MKX: variants seen among roughly 807,000 people sequenced by gnomAD.
MKX encodes homeobox protein Mohawk.
Under a neutral mutation model 36.0 loss-of-function variants are expected in MKX, and 13 were observed. That is an observed-to-expected ratio of 0.36 (90% CI 0.24 to 0.57). The LOEUF (loss-of-function observed/expected upper bound fraction) is 0.57. MKX is among the 20% of genes least tolerant of loss of function. The pLI, the probability that MKX is intolerant of heterozygous loss-of-function variation, is 0.79. For missense variants in MKX, 458 were observed against 456.4 expected (o/e 1.00, Z -0.03); for synonymous variants, 176 against 178.3 (o/e 0.99, Z 0.10).
chr10:27,703,750 A>C (rs897976113), intron 5 of MKX, among the ~76,000 whole-genome samples: 29 of 152,034 alleles, frequency 1.9e-4, no homozygotes, highest in African/African-American at 7.0e-4. Context: ...AAATACAAAA[A>C]TTATCCAGGC....
At chr10:27,698,813 T>G (rs1027105744) in intron 5 of MKX, among the ~76,000 whole-genome samples, 1 of 152,130 alleles carries the variant, frequency 6.6e-6, no homozygotes, top group Non-Finnish European at 1.5e-5. Context: ...TTCTCCTCAA[T>G]GCATTCCTTT....
chr10:27,739,645 A>C (rs908371830), intron 3 of MKX, among the ~76,000 whole-genome samples: 4 of 152,156 alleles, frequency 2.6e-5, no homozygotes, highest in Admixed American at 2.6e-4. Context: ...AGAAAGTTTA[A>C]ATGGCTCTCC....
rs75587692 is a variant in MKX at position 27,722,299 on chromosome 10, C to T, written c.838+12157G>A. Among the ~76,000 whole-genome samples the T allele has an allele frequency of 9.0e-3, 1,364 of 152,272 alleles. 11 individuals carry two copies. The highest frequency in any genetic ancestry group is 0.013 in the Non-Finnish European group (904 of 68,016). On this transcript the variant is annotated intron_variant, in intron 5 of 6. Transcript: ENST00000419761. ...TTTACTGGTGCCATGCTCCCCAATG[C>T]TCCTTTGCAATGTCCCTGTCTTGTG... is the stretch of plus-strand genomic sequence containing the variant.
At chr10:27,711,110 A>G (rs1233031227) in intron 5 of MKX, among the ~76,000 whole-genome samples, 2 of 152,214 alleles carry the variant, frequency 1.3e-5, no homozygotes, top group African/African-American at 2.4e-5. Flanking sequence ...TGTACTATCC[A>G]TCACAGGTAT....
intron 5 of MKX, among the ~76,000 whole-genome samples, chr10:27,733,804 C>T (rs1834688030): frequency 6.6e-6 from 1 of 152,122 alleles, no homozygotes; most frequent in South Asian, 2.1e-4. Flanking sequence ...AAGTTTTGGA[C>T]AGGTAGGAAT....
Position 27,734,664 on chromosome 10 carries a change from C to T in MKX, c.630G>A (p.Glu210=), listed in dbSNP as rs1834711865. 1.9e-6 allele frequency: 3 copies of T among 1,614,118 alleles called. No homozygotes were observed. The highest frequency in any genetic ancestry group is 2.5e-6 in the Non-Finnish European group (3 of 1,180,024). ...TGTATTTGGGGGGTGCCACGTAGTC[C>T]TCACTGGCCCGTGACTCTGGCCTCA... is the stretch of plus-strand genomic sequence containing the variant. ...AGVRPESRAS[E]DYVAPPKYKS... The change falls in exon 5 of 7, where the codon GAG becomes GAA. Residue 210 remains glutamate (E), a synonymous_variant. Coordinates refer to ENST00000419761, the MANE Select transcript of MKX (RefSeq NM_173576.3).
chr10:27,715,324 G>T (rs1589679596), intron 5 of MKX, among the ~76,000 whole-genome samples: 1 of 152,162 alleles, frequency 6.6e-6, no homozygotes, highest in African/African-American at 2.4e-5. Flanking sequence ...TACAGAGAAG[G>T]CTTGGTCCTA....
intron 5 of MKX, among the ~76,000 whole-genome samples, chr10:27,706,751 T>C (rs990573146): frequency 6.6e-6 from 1 of 152,214 alleles, no homozygotes; most frequent in Non-Finnish European, 1.5e-5. Context: ...ATTGAGGTGT[T>C]TCTTTTTTTG....
rs373403434 is a variant in MKX, at chr10:27,729,215, G to A, written c.838+5241C>T. 2.6e-4 allele frequency among the ~76,000 whole-genome samples: 40 copies of A among 152,136 alleles called. 2 individuals carry two copies. In the South Asian group the frequency reaches 6.4e-3, roughly 25 times the overall value. On this transcript the variant is annotated intron_variant, in intron 5 of 6. Transcript: ENST00000419761. ...ATGAAGTTTAAACATTCAAACTCTT[G>A]GGAGCAGGATAAATTTATAAAGTAT... is the stretch of plus-strand genomic sequence containing the variant.
In MKX at chr10:27,741,823, C is replaced by A. The variant is rs1834906372; in HGVS notation, c.189-319G>T. On this transcript the variant is annotated intron_variant, in intron 2 of 6. Coordinates refer to ENST00000419761, the MANE Select transcript of MKX (RefSeq NM_173576.3). This position sits in a 1 kb window ranked among gnomAD's most constrained non-coding sequence, Gnocchi z 5.1. ...CCAGTCGCGTATCTGGGCAGCGGGG[C>A]TAACTGCTACCCTTCCCTCACCCGC... 6.6e-6 allele frequency among the ~76,000 whole-genome samples: 1 copy of A among 152,240 alleles called. No homozygotes were observed. The highest frequency in any genetic ancestry group is 2.1e-4 in the South Asian group (1 of 4,836).
rs1333056405 is a variant in MKX, at chr10:27,744,253, G to C, written c.-82-756C>G. ...CTAAGGTCCAAGGCGCCAGGACCCA[G>C]GTCCCCAGAGCCCTCAATCAGTGCC... is the stretch of plus-strand genomic sequence containing the variant. On this transcript the variant is annotated intron_variant, in intron 1 of 6. Transcript: ENST00000419761. The surrounding 1 kb of genome is among the most constrained non-coding windows in gnomAD (Gnocchi z 5.6). 4.6e-5 allele frequency among the ~76,000 whole-genome samples: 7 copies of C among 152,216 alleles called. No individual in the cohort carries two copies. The highest frequency in any genetic ancestry group is 1.7e-4 in the African/African-American group (7 of 41,536).
In MKX at chr10:27,737,959, G is replaced by A. The variant is rs188799938; in HGVS notation, c.349-2585C>T. 2.5e-3 allele frequency among the ~76,000 whole-genome samples: 376 copies of A among 151,928 alleles called. 1 individual carries two copies. The highest frequency in any genetic ancestry group is 4.5e-3 in the Non-Finnish European group (307 of 67,908). ...TACCCTTCTAACAGATAAAAATGGG[G>A]GAACATTTAAATGATTTAAATGTCA... On this transcript the variant is annotated intron_variant, in intron 3 of 6. Coordinates refer to ENST00000419761, the MANE Select transcript of MKX (RefSeq NM_173576.3).
intron 5 of MKX, among the ~76,000 whole-genome samples, chr10:27,724,324 C>T (rs73604045): frequency 0.012 from 1,894 of 152,222 alleles, 40 homozygotes; most frequent in African/African-American, 0.04. Context: ...CCAGCAGTTC[C>T]GGAAGACATG....
chr10:27,703,968 T>G (rs1195864865), intron 5 of MKX, among the ~76,000 whole-genome samples: 1 of 151,632 alleles, frequency 6.6e-6, no homozygotes, highest in Non-Finnish European at 1.5e-5. Flanking sequence ...CACAGAAAAA[T>G]AAACTAAAAG....
chr10:27,697,032 T>G lies in MKX; in HGVS notation c.839-21478A>C, dbSNP rs928228111. Among the ~76,000 whole-genome samples, 3 of 152,228 alleles carry G rather than the reference T, an allele frequency of 2.0e-5. No individual in the cohort carries two copies. The South Asian group carries it at 6.2e-4, about 31-fold the overall frequency. ...AAAAGACTTAAATTGTATCACTGCTTCATTCTTAACCAGTATACTTGGTAT... is the reference window on the plus strand; with the variant it reads ...AAAAGACTTAAATTGTATCACTGCTGCATTCTTAACCAGTATACTTGGTAT... On this transcript the variant is annotated intron_variant, in intron 5 of 6. Coordinates refer to ENST00000419761, the MANE Select transcript of MKX (RefSeq NM_173576.3).
chr10:27,724,438 G>C (rs1424504566), intron 5 of MKX, among the ~76,000 whole-genome samples: 1 of 152,130 alleles, frequency 6.6e-6, no homozygotes, highest in South Asian at 2.1e-4. Context: ...TGTGTGACCT[G>C]AGCAAATGCT....
intron 5 of MKX, among the ~76,000 whole-genome samples, chr10:27,701,631 ATAT>A (rs1182327809): frequency 6.9e-6 from 1 of 144,932 alleles, no homozygotes; most frequent in Non-Finnish European, 1.5e-5. Context: ...TAAAATAATA[ATAT>A]ATTTATATAT....
chr10:27,726,188 C>T (rs1439216005), intron 5 of MKX, among the ~76,000 whole-genome samples: 2 of 152,146 alleles, frequency 1.3e-5, no homozygotes, highest in Non-Finnish European at 2.9e-5. Flanking sequence ...CAAAACTTAA[C>T]GTTGGTAAAC....
chr10:27,735,715 C>T (rs533465114), intron 3 of MKX, among the ~76,000 whole-genome samples: 5 of 152,230 alleles, frequency 3.3e-5, no homozygotes, highest in African/African-American at 4.8e-5. Context: ...TAAAATGATA[C>T]GAGTCCAAAG....
Sources: allele counts gnomAD v4.1 joint callset (sites outside exome capture counted in the v4.1 genomes callset), GRCh38; gene constraint gnomAD v4.1.1; non-coding constraint Gnocchi (gnomAD v3.1); transcripts MANE v1.5; gene names NCBI Gene and HGNC (gene_info 2026-07-23, HGNC 2026-07-21).